VPS13B: variants seen among roughly 807,000 people sequenced by gnomAD.
VPS13B encodes the protein vacuolar protein sorting 13 homolog B, also known as intermembrane lipid transfer protein VPS13B.
VPS13B carries 285 observed loss-of-function variants against 426.4 expected under a neutral mutation model. The ratio of observed to expected loss-of-function variants is 0.67; its 90% CI spans 0.61 to 0.74. The LOEUF (loss-of-function observed/expected upper bound fraction) is 0.74. Among genes scored for constraint, VPS13B ranks in the 30% least tolerant of loss-of-function variants. The pLI is 0.00. For missense variants in VPS13B, 4,537 were observed against 4,782.6 expected, an observed-to-expected ratio of 0.95 and a Z score of 1.51; for synonymous variants, 1,676 against 1,676.4, an observed-to-expected ratio of 1.00 and a Z score of 0.01.
intron 17 of VPS13B, chr8:99,233,180 C>A: frequency 1.4e-6 from 2 of 1,398,336 alleles, no homozygotes; most frequent in Non-Finnish European, 2.0e-6. Flanking sequence ...CTGATGATCA[C>A]TTCCTCATTT....
At chr8:99,144,617 A>G (rs1225725413) in intron 13 of VPS13B, among the ~76,000 whole-genome samples, 1 of 152,196 alleles carries the variant, frequency 6.6e-6, no homozygotes, top group African/African-American at 2.4e-5. Context: ...TCTGAGCACT[A>G]AATGAGATAG....
chr8:99,096,544 T>A, intron 4 of VPS13B, 112 bp downstream of exon 4: 2 of 1,474,648 alleles, frequency 1.4e-6, no homozygotes, highest in Non-Finnish European at 1.9e-6. Context: ...TTACTTGAGG[T>A]CAGGAGTTTG....
At chr8:99,844,427 G>A (rs1462476359) in intron 54 of VPS13B, among the ~76,000 whole-genome samples, 1 of 151,126 alleles carries the variant, frequency 6.6e-6, no homozygotes, top group Non-Finnish European at 1.5e-5. Flanking sequence ...GAGTGCAGTG[G>A]CCCGGTCTCG....
At chr8:99,302,217 G>A (rs1389907253) in intron 19 of VPS13B, among the ~76,000 whole-genome samples, 1 of 152,116 alleles carries the variant, frequency 6.6e-6, no homozygotes, top group African/African-American at 2.4e-5. Context: ...AGATTACCAG[G>A]GTTGGCTTCA....
At chr8:99,627,414 T>TTTTA (rs1316126068) in intron 33 of VPS13B, among the ~76,000 whole-genome samples, 2 of 152,044 alleles carry the variant, frequency 1.3e-5, no homozygotes, top group Admixed American at 1.3e-4. Context: ...TTTATTTTTA[T>TTTTA]TTTATTTATT....
At chr8:99,656,753 C>T (rs1351364780) in intron 34 of VPS13B, among the ~76,000 whole-genome samples, 2 of 152,122 alleles carry the variant, frequency 1.3e-5, no homozygotes, top group African/African-American at 4.8e-5. Context: ...TCATTTTGAG[C>T]TGGCTGCACT....
At chr8:99,346,111 T>G (rs1413007257) in intron 19 of VPS13B, 1 of 152,296 alleles carries the variant, frequency 6.6e-6, no homozygotes, top group Non-Finnish European at 1.5e-5. Flanking sequence ...ATGGAACCAT[T>G]GAATCAGGGT....
intron 19 of VPS13B, among the ~76,000 whole-genome samples, chr8:99,336,001 T>C (rs1810839910): frequency 6.6e-6 from 1 of 152,068 alleles, no homozygotes; most frequent in Non-Finnish European, 1.5e-5. Context: ...CTTCACAGAA[T>C]TGGAAAAAAC....
At chr8:99,468,116 C>G (rs1171655744) in intron 24 of VPS13B, among the ~76,000 whole-genome samples, 1 of 152,102 alleles carries the variant, frequency 6.6e-6, no homozygotes, top group Non-Finnish European at 1.5e-5. Context: ...TCATCATTTA[C>G]ATTAGGTATA....
intron 33 of VPS13B, among the ~76,000 whole-genome samples, chr8:99,640,019 T>TAAGAAGAAGAAGAAGAAGAAG (rs1172250597): frequency 3.8e-5 from 3 of 78,308 alleles, no homozygotes; most frequent in Admixed American, 1.6e-4. Flanking sequence ...ATAATAATAA[T>TAAGAAGAAGAAGAAGAAGAAG]AATAATAAGA....
At chr8:99,669,321 C>T (rs1285008686) in intron 35 of VPS13B, among the ~76,000 whole-genome samples, 1 of 151,976 alleles carries the variant, frequency 6.6e-6, no homozygotes, top group East Asian at 1.9e-4. Context: ...GGAAATGGTG[C>T]AGATTTTTCT....
At chr8:99,745,312 G>A (rs1810025876) in intron 39 of VPS13B, among the ~76,000 whole-genome samples, 1 of 151,638 alleles carries the variant, frequency 6.6e-6, no homozygotes, top group African/African-American at 2.4e-5. Flanking sequence ...AATTTTAGTT[G>A]AAAAAAATTC....
chr8:99,644,381 A>G (rs1379183260), intron 34 of VPS13B, among the ~76,000 whole-genome samples: 1 of 152,166 alleles, frequency 6.6e-6, no homozygotes, highest in African/African-American at 2.4e-5. Context: ...ATTTTCATCT[A>G]AGTCTGTATT....
intron 39 of VPS13B, among the ~76,000 whole-genome samples, chr8:99,765,415 A>AT (rs1333055187): frequency 1.3e-5 from 2 of 151,988 alleles, no homozygotes; most frequent in African/African-American, 2.4e-5. Flanking sequence ...GGCTGGTTAT[A>AT]TTTTTTCTTC....
intron 51 of VPS13B, among the ~76,000 whole-genome samples, chr8:99,826,393 A>C (rs1814684681): frequency 6.6e-6 from 1 of 152,094 alleles, no homozygotes; most frequent in Non-Finnish European, 1.5e-5. Context: ...GTGTATAGGA[A>C]TTCTTGTGAT....
At chr8:99,537,832 G>A (rs2133713687) in intron 30 of VPS13B, among the ~76,000 whole-genome samples, 1 of 152,200 alleles carries the variant, frequency 6.6e-6, no homozygotes, top group East Asian at 1.9e-4. Context: ...GTGTGGTCCA[G>A]GTCATTAAAG....
chr8:99,032,701 GTT>G (rs71273155), intron 2 of VPS13B, among the ~76,000 whole-genome samples: 20 of 142,898 alleles, frequency 1.4e-4, no homozygotes, highest in African/African-American at 1.8e-4. Flanking sequence ...GGCTATTTTT[GTT>G]TTTTTTTTTT....
intron 23 of VPS13B, among the ~76,000 whole-genome samples, chr8:99,463,404 T>G (rs1242447230): frequency 6.6e-6 from 1 of 152,218 alleles, no homozygotes; most frequent in East Asian, 1.9e-4. Context: ...TTCACAAATT[T>G]GAAATCAATT....
At chr8:99,581,319 G>A (rs564957272) in intron 33 of VPS13B, among the ~76,000 whole-genome samples, 68 of 152,254 alleles carry the variant, frequency 4.5e-4, no homozygotes, top group African/African-American at 1.6e-3. Flanking sequence ...ATTCTTGCCA[G>A]AACCAATATT....
Sources: allele counts gnomAD v4.1 joint callset (sites outside exome capture counted in the v4.1 genomes callset), GRCh38; gene constraint gnomAD v4.1.1; transcripts MANE v1.5; gene names NCBI Gene and HGNC (gene_info 2026-07-23, HGNC 2026-07-21).